Variants in IFT140 observed in about 807,000 individuals in gnomAD.
IFT140 encodes intraflagellar transport 140.
Under a neutral mutation model 164.6 loss-of-function variants are expected in IFT140, and 133 were observed. That is an observed-to-expected ratio of 0.81 (90% CI 0.70 to 0.93). The LOEUF (loss-of-function observed/expected upper bound fraction) is 0.93. IFT140 is among the 40% of genes least tolerant of loss of function. The probability of loss-of-function intolerance (pLI) is 0.00; values close to 1 mark genes in which losing one functional copy is unlikely to be tolerated. For missense variants in IFT140, 2,045 were observed against 1,972.3 expected (o/e 1.04, Z -0.70); for synonymous variants, 860 against 817.3 (o/e 1.05, Z -0.89).
intron 19 of IFT140, among the ~76,000 whole-genome samples, chr16:1,556,463 C>T (rs1596359273): frequency 6.6e-6 from 1 of 152,352 alleles, no homozygotes; most frequent in Non-Finnish European, 1.5e-5. Flanking sequence ...ACTGCTGTGA[C>T]GTGTACGGTC....
Position 1,520,226 on chromosome 16 carries a change from G to A in IFT140, c.3778C>T (p.Arg1260Trp), listed in dbSNP as rs867775707. The change falls in exon 28 of 31, where the codon CGG (arginine) becomes TGG (tryptophan). Residue 1260 changes from arginine (R) to tryptophan (W), a missense_variant. By Grantham distance (101) the Arg-to-Trp change is moderately radical. Transcript: ENST00000426508. ...AANYLQSLDW[R>W]KEPEIMKNII... The stretch of plus-strand genomic sequence containing the variant: ...TTCTTCATGATCTCCGGCTCCTTCC[G>A]CCAGTCCAGGGACTGCAGGTAGTTA... The A allele has an allele frequency of 5.0e-6, 8 of 1,614,108 alleles. No homozygotes were observed. Among genetic ancestry groups the A allele is most frequent in the African/African-American group, 2.7e-5 (2 of 74,940 alleles).
At chr16:1,518,730 G>A (rs557071671) in intron 29 of IFT140, among the ~76,000 whole-genome samples, 3 of 151,920 alleles carry the variant, frequency 2.0e-5, no homozygotes, top group Non-Finnish European at 2.9e-5. Flanking sequence ...GCCCAAGGCC[G>A]CTGGGAAGAA....
At position 1,520,760 on chromosome 16, in the gene IFT140, C is replaced by G. The variant is rs780721001; in HGVS notation, c.3502G>C (p.Glu1168Gln). The part of the protein sequence containing the change: ...LCLGQNMSIT[E>Q]EMAEKMTVAK... Reference sequence around the variant, plus strand: ...ACGGTCATCTTTTCCGCCATCTCCTCGGTGATGCTCATGTTCTGCCCCAGG... The same window carrying G: ...ACGGTCATCTTTTCCGCCATCTCCTGGGTGATGCTCATGTTCTGCCCCAGG... The change falls in exon 27 of 31, where the codon GAG becomes CAG. Residue 1168 changes from glutamate (E) to glutamine (Q), a missense_variant. Transcript: ENST00000426508. 6.2e-7 allele frequency: 1 copy of G among 1,608,664 alleles called. No individual in the cohort carries two copies. The highest frequency in any genetic ancestry group is 1.1e-5 in the South Asian group (1 of 91,034).
At chr16:1,567,567 C>G (rs1396071731) in intron 15 of IFT140, among the ~76,000 whole-genome samples, 2 of 152,268 alleles carry the variant, frequency 1.3e-5, no homozygotes, top group African/African-American at 4.8e-5. Context: ...CATCCACAGG[C>G]AGTGGGCGGG....
intron 9 of IFT140, 79 bp from the exon 10 acceptor site, chr16:1,586,354 C>A: frequency 1.4e-6 from 2 of 1,432,184 alleles, no homozygotes; most frequent in Non-Finnish European, 1.9e-6. Flanking sequence ...TCTCTAACCC[C>A]CTTCTTCAAA....
chr16:1,529,592 C>T (rs900791593), intron 19 of IFT140, among the ~76,000 whole-genome samples: 3 of 152,228 alleles, frequency 2.0e-5, no homozygotes, highest in Admixed American at 6.5e-5. Context: ...CCTGAGCACC[C>T]GGCCCACCAG....
intron 19 of IFT140, chr16:1,554,254 A>G: frequency 1.8e-6 from 1 of 564,520 alleles, no homozygotes; most frequent in Non-Finnish European, 2.7e-6. Flanking sequence ...AACTGTCAGA[A>G]GCATAGCTCT....
chr16:1,583,248 T>G, intron 12 of IFT140, 66 bp downstream of exon 12: 1 of 1,376,566 alleles, frequency 7.3e-7, no homozygotes, highest in Non-Finnish European at 1.0e-6. Flanking sequence ...AGTGGCCCTC[T>G]CATTAGGCAG....
Position 1,584,341 on chromosome 16 carries a change from T to G in IFT140, c.1235A>C (p.His412Pro). 1 of 1,613,460 alleles carries G rather than the reference T, an allele frequency of 6.2e-7. No individual in the cohort carries two copies. ...AILSERAMSS[H>P]FHQQVAAMQV... ...CATGGCGGCCACTTGCTGGTGGAAG[T>G]GTGACGACATGGCCCGCTCGCTGAG... Residue 412 changes from histidine to proline, a missense_variant, in exon 11 of 31, where the codon CAC becomes CCC. His to Pro is a moderately conservative substitution (Grantham distance 77). Coordinates refer to ENST00000426508, the MANE Select transcript of IFT140 (RefSeq NM_014714.4).
intron 19 of IFT140, chr16:1,542,024 A>C (rs2031695326): frequency 6.2e-7 from 1 of 1,611,204 alleles, no homozygotes; most frequent in Non-Finnish European, 8.5e-7. Context: ...CCCTGCTGTC[A>C]CCCGACGCCC....
chr16:1,564,456 G>A lies in IFT140; in HGVS notation c.1902-294C>T, dbSNP rs1013303103. On this transcript the variant is annotated intron_variant, in intron 16 of 30. Coordinates refer to ENST00000426508, the MANE Select transcript of IFT140 (RefSeq NM_014714.4). The surrounding 1 kb of genome is among the most constrained non-coding windows in gnomAD (Gnocchi z 5.5). ...GCCCAGAAGAATCCCCAAAGCAAAA[G>A]GGACCCTTTTCCTTTTCCAGGACCA... 9.9e-5 allele frequency among the ~76,000 whole-genome samples: 15 copies of A among 152,176 alleles called. No individual in the cohort carries two copies. Among genetic ancestry groups the A allele is most frequent in the African/African-American group, 3.4e-4 (14 of 41,454 alleles).
rs921729837 is a variant in IFT140 at position 1,532,570 on chromosome 16, G to A, written c.2400-5774C>T. On this transcript the variant is annotated intron_variant, in intron 19 of 30. Coordinates refer to ENST00000426508, the MANE Select transcript of IFT140 (RefSeq NM_014714.4). ...CAGGGCCCAAGCACGGGCAGTGCAA[G>A]GACAGGAAACGGTCAAAGCTCTGCT... 2.6e-5 allele frequency: 4 copies of A among 152,440 alleles called. No homozygotes were observed. The South Asian group carries it at 6.2e-4, about 24-fold the overall frequency. 9.4% of individuals were successfully genotyped at this position (152,440 alleles called of 1,614,324 possible).
Position 1,523,946 on chromosome 16 carries a change from A to G in IFT140, c.3152T>C (p.Leu1051Pro). ...NAIRLCKENG[L>P]DDQLMNLALL... ...GGCCAAGTTCATGAGCTGGTCGTCCAGGCCGTTCTCCTGCAGGGAGGGAGG... is the reference window on the plus strand; with the variant it reads ...GGCCAAGTTCATGAGCTGGTCGTCCGGGCCGTTCTCCTGCAGGGAGGGAGG... The change falls in exon 25 of 31, where the codon CTG becomes CCG. Residue 1051 changes from leucine to proline, a missense_variant. By Grantham distance (98) the Leu-to-Pro change is moderately conservative. Transcript: ENST00000426508. 1 of 1,612,266 alleles carries G rather than the reference A, an allele frequency of 6.2e-7. No homozygotes were observed. The highest frequency in any genetic ancestry group is 8.5e-7 in the Non-Finnish European group (1 of 1,179,962).
chr16:1,541,818 G>A (rs542116141), intron 19 of IFT140: 14 of 1,385,696 alleles, frequency 1.0e-5, no homozygotes, highest in African/African-American at 1.5e-5. Context: ...TGTGCCGACC[G>A]CCCTTTCCGA....
chr16:1,609,460 A>T (rs1052459700), intron 2 of IFT140, among the ~76,000 whole-genome samples: 1 of 152,128 alleles, frequency 6.6e-6, no homozygotes. Context: ...CCGTGGCTGC[A>T]TTTAGACTTT....
At chr16:1,578,170 A>C (rs1325015399) in intron 13 of IFT140, 1 of 152,054 alleles carries the variant, frequency 6.6e-6, no homozygotes, top group Non-Finnish European at 1.5e-5. Flanking sequence ...ATTCAGACAG[A>C]AGTCCTACAC....
Position 1,558,285 on chromosome 16 carries a change from T to G in IFT140, c.2200-151A>C, listed in dbSNP as rs1330561914. The G allele has an allele frequency of 1.6e-5, 12 of 761,228 alleles. No individual in the cohort carries two copies. The African/African-American group carries it at 1.9e-4, about 12-fold the overall frequency. 47.2% of individuals were successfully genotyped at this position (761,228 alleles called of 1,614,324 possible). On this transcript the variant is annotated intron_variant, in intron 18 of 30. Transcript: ENST00000426508. The stretch of plus-strand genomic sequence containing the variant: ...ACCAACAGGCCCAGTCCCTGCCAGA[T>G]GCCCTGAAAACTTTTAGGGTCACTG...
In IFT140 at chr16:1,598,381, C is replaced by T. The variant is rs1428678759; in HGVS notation, c.369+3989G>A. On this transcript the variant is annotated intron_variant, in intron 4 of 30. Coordinates refer to ENST00000426508, the MANE Select transcript of IFT140 (RefSeq NM_014714.4). ...GCTGAGGCAGGAGAATGGCGTGAAC[C>T]TAGGAGGCGGAGCTTGCAGGGAGCC... Among the ~76,000 whole-genome samples, 3 of 152,030 alleles carry T rather than the reference C, an allele frequency of 2.0e-5. No homozygotes were observed. In the East Asian group the frequency reaches 5.8e-4, roughly 29 times the overall value.
At chr16:1,543,588 G>C (rs1054613232) in intron 19 of IFT140, among the ~76,000 whole-genome samples, 7 of 152,220 alleles carry the variant, frequency 4.6e-5, no homozygotes, top group South Asian at 2.1e-4. Context: ...CTAAACTAAC[G>C]TGAGCCTCTG....
Sources: allele counts gnomAD v4.1 joint callset (sites outside exome capture counted in the v4.1 genomes callset), GRCh38; gene constraint gnomAD v4.1.1; non-coding constraint Gnocchi (gnomAD v3.1); transcripts MANE v1.5; gene names NCBI Gene and HGNC (gene_info 2026-07-23, HGNC 2026-07-21).